Variants in REPS1 observed in about 807,000 individuals in gnomAD.
REPS1 encodes the protein ralBP1-associated Eps domain-containing protein 1.
REPS1 carries 39 observed loss-of-function variants against 100.9 expected under a neutral mutation model. The observed-to-expected ratio is 0.39, with a 90% confidence interval of 0.30 to 0.50. The LOEUF is 0.50. Among genes scored for constraint, REPS1 ranks in the 20% least tolerant of loss-of-function variants. The pLI is 0.86. For missense variants in REPS1, 821 were observed against 968.5 expected (o/e 0.85, Z 2.02); for synonymous variants, 324 against 340.3 (o/e 0.95, Z 0.53).
In REPS1 at chr6:138,943,911, T is replaced by C; in HGVS notation, c.858A>G (p.Arg286=). The C allele has an allele frequency of 6.2e-7, 1 of 1,613,746 alleles. No homozygotes were observed. Among genetic ancestry groups the C allele is most frequent in the Non-Finnish European group, 8.5e-7 (1 of 1,179,740 alleles). The change falls in exon 6 of 20, where the codon AGA becomes AGG. Residue 286 remains arginine (R), a synonymous_variant. Transcript: ENST00000450536. ...DDPWKITDEQ[R]QYYVNQFKTI... ...TTTTAAACTGATTTACATAATACTG[T>C]CTTTGTTCATCTGTTATTTTCCAGG...
At chr6:138,944,362 C>A (rs1400026019) in intron 5 of REPS1, 136 bp downstream of exon 5, 9 of 918,836 alleles carry the variant, frequency 9.8e-6, no homozygotes, top group Non-Finnish European at 4.9e-6. Flanking sequence ...TTGAAATGCA[C>A]AGAGCAGAAT....
chr6:138,952,215 G>GAGAA (rs969012886), intron 1 of REPS1, among the ~76,000 whole-genome samples: 2 of 152,056 alleles, frequency 1.3e-5, no homozygotes, highest in African/African-American at 4.8e-5. Flanking sequence ...AATTAGGGAA[G>GAGAA]AGAAAGAAAG....
chr6:138,982,079 G>C (rs1411567187), intron 1 of REPS1, among the ~76,000 whole-genome samples: 1 of 152,142 alleles, frequency 6.6e-6, no homozygotes, highest in African/African-American at 2.4e-5. Context: ...GATTATTTCT[G>C]TAGTTTATTA....
At chr6:138,973,513 G>C (rs774064826) in intron 1 of REPS1, among the ~76,000 whole-genome samples, 8 of 149,274 alleles carry the variant, frequency 5.4e-5, no homozygotes, top group Non-Finnish European at 8.9e-5. Flanking sequence ...AAATTCTACT[G>C]GGAATCAGTC....
chr6:138,937,498 C>T (rs1055677040), intron 8 of REPS1, among the ~76,000 whole-genome samples: 1 of 151,630 alleles, frequency 6.6e-6, no homozygotes, highest in Non-Finnish European at 1.5e-5. Flanking sequence ...GGAAAGTCTT[C>T]ATGTGCCTTC....
intron 1 of REPS1, among the ~76,000 whole-genome samples, chr6:138,977,480 C>T (rs1039080304): frequency 3.9e-5 from 6 of 152,138 alleles, no homozygotes; most frequent in African/African-American, 9.7e-5. Flanking sequence ...CAATGATATG[C>T]GGGTGCCATC....
intron 9 of REPS1, chr6:138,929,642 TATCAAAG>T (rs1781362585): frequency 5.4e-6 from 1 of 185,384 alleles, no homozygotes; most frequent in Admixed American, 5.6e-5. Context: ...GTTGACTAGA[TATCAAAG>T]GACTTACGTT....
chr6:138,904,942 C>CA lies in REPS1; in HGVS notation c.*121dup, dbSNP rs1277931339. The CA allele has an allele frequency of 1.2e-5, 9 of 736,252 alleles. No individual in the cohort carries two copies. The highest frequency in any genetic ancestry group is 4.7e-5 in the Admixed American group (2 of 42,184). The allele number at this position is 736,252 out of a possible 1,614,324, so 45.6% of individuals were successfully genotyped here. Reference sequence around the variant, plus strand: ...TAAATACAACGGTGAACATATAGGGCAAAACAGAATCATAAAATTTAATGT... The same window carrying CA: ...TAAATACAACGGTGAACATATAGGGCAAAAACAGAATCATAAAATTTAATGT... On this transcript the variant is annotated 3_prime_UTR_variant, in exon 20 of 20. Transcript: ENST00000450536.
chr6:138,907,489 T>A lies in REPS1; in HGVS notation c.2322+6A>T. On this transcript the variant is annotated splice_donor_region_variant and intron_variant, in intron 19 of 19. Coordinates refer to ENST00000450536, the MANE Select transcript of REPS1 (RefSeq NM_001286611.2). ...GAACATTATAAAGATTCAGAAACTA[T>A]ATTACCTTTAATTGTTGCTGCAATT... 6.3e-7 allele frequency: 1 copy of A among 1,595,428 alleles called. No individual in the cohort carries two copies. The highest frequency in any genetic ancestry group is 8.6e-7 in the Non-Finnish European group (1 of 1,163,390).
At chr6:138,968,379 C>G (rs1037168973) in intron 1 of REPS1, among the ~76,000 whole-genome samples, 1 of 152,188 alleles carries the variant, frequency 6.6e-6, no homozygotes, top group Non-Finnish European at 1.5e-5. Context: ...CTAAAAATTA[C>G]GCATTGTTAT....
chr6:138,916,641 A>T (rs1582719313), intron 13 of REPS1, among the ~76,000 whole-genome samples: 1 of 152,336 alleles, frequency 6.6e-6, no homozygotes, highest in South Asian at 2.1e-4. Context: ...AGGAAAGTCT[A>T]CTTTCAGATA....
intron 9 of REPS1, chr6:138,927,182 T>C (rs1351762043): frequency 6.6e-6 from 1 of 151,976 alleles, no homozygotes; most frequent in Admixed American, 6.6e-5. Flanking sequence ...CCCTACCCCA[T>C]GCTAGAAAAA....
chr6:138,967,207 C>T (rs1462501308), intron 1 of REPS1, among the ~76,000 whole-genome samples: 2 of 152,226 alleles, frequency 1.3e-5, no homozygotes, highest in Non-Finnish European at 2.9e-5. Flanking sequence ...CCATGGACTT[C>T]CCAGCCCCCA....
intron 10 of REPS1, among the ~76,000 whole-genome samples, chr6:138,924,425 C>T (rs1275357031): frequency 1.3e-5 from 2 of 152,142 alleles, no homozygotes; most frequent in African/African-American, 4.8e-5. Context: ...TCAATAATAT[C>T]ACTGCTACTC....
At chr6:138,980,935 G>C (rs1381427327) in intron 1 of REPS1, among the ~76,000 whole-genome samples, 1 of 152,140 alleles carries the variant, frequency 6.6e-6, no homozygotes, top group Non-Finnish European at 1.5e-5. Flanking sequence ...CCAATACAAA[G>C]AACAGCCACA....
At chr6:138,922,430 C>T (rs1780836994) in intron 10 of REPS1, among the ~76,000 whole-genome samples, 1 of 152,114 alleles carries the variant, frequency 6.6e-6, no homozygotes, top group South Asian at 2.1e-4. Context: ...TTCTAAACTT[C>T]ATGAGAGTCT....
chr6:138,985,896 AAGAC>A (rs1785231674), intron 1 of REPS1, among the ~76,000 whole-genome samples: 1 of 152,210 alleles, frequency 6.6e-6, no homozygotes, highest in Admixed American at 6.5e-5. Flanking sequence ...TCTCACCTCA[AAGAC>A]AAACTAAAAT....
intron 10 of REPS1, among the ~76,000 whole-genome samples, chr6:138,924,339 G>A (rs1582740720): frequency 6.6e-6 from 1 of 152,058 alleles, no homozygotes; most frequent in African/African-American, 2.4e-5. Flanking sequence ...ACACACTAGA[G>A]ATAACAAAGG....
intron 9 of REPS1, chr6:138,927,927 A>G (rs1781242895): frequency 6.6e-6 from 1 of 152,246 alleles, no homozygotes. Context: ...ACTGTGGAGA[A>G]AAGTTTACAG....
Sources: gnomAD v4.1 joint callset for allele counts (sites outside exome capture counted in the v4.1 genomes callset) on GRCh38, gnomAD v4.1.1 for gene constraint, MANE v1.5 for transcripts, NCBI Gene and HGNC (gene_info 2026-07-23, HGNC 2026-07-21) for gene names.